The following CFAP20DC variants were observed in gnomAD, a reference collection of about 807,000 sequenced individuals.
CFAP20DC encodes protein CFAP20DC.
CFAP20DC carries 84 observed loss-of-function variants against 101.7 expected under a neutral mutation model. The observed-to-expected ratio is 0.83, with a 90% CI of 0.69 to 0.99. The LOEUF (loss-of-function observed/expected upper bound fraction) is 0.99, where lower values mean the gene tolerates loss of function less well. CFAP20DC is among the 50% of genes least tolerant of loss of function. The pLI is 0.00. For missense variants in CFAP20DC, 1,007 were observed against 970.3 expected, an observed-to-expected ratio of 1.04 and a Z score of -0.50; for synonymous variants, 359 against 351.2, an observed-to-expected ratio of 1.02 and a Z score of -0.25.
Position 58,914,701 on chromosome 3 carries a change from CT to C in CFAP20DC, c.394-838del, listed in dbSNP as rs939438263. ...AAATATATATATATATATTTTTTTT[CT>C]TTTTTTTAAAGACAAATCTTATATA... On this transcript the variant is annotated intron_variant, in intron 5 of 16. Coordinates refer to ENST00000482387, the MANE Select transcript of CFAP20DC (RefSeq NM_001394063.1). This position sits in a 1 kb window ranked among gnomAD's most constrained non-coding sequence, Gnocchi z 4.9. Among the ~76,000 whole-genome samples the C allele has an allele frequency of 2.1e-5, 3 of 144,424 alleles. No individual in the cohort carries two copies. Among genetic ancestry groups the C allele is most frequent in the South Asian group, 2.1e-4 (1 of 4,666 alleles). 94.7% of individuals were successfully genotyped at this position (144,424 alleles called of 152,430 possible).
At chr3:59,003,327 C>T (rs2093357877) in intron 4 of CFAP20DC, among the ~76,000 whole-genome samples, 1 of 152,062 alleles carries the variant, frequency 6.6e-6, no homozygotes. Context: ...GTTATGCAGC[C>T]TAATCTATTT....
At chr3:58,906,872 T>C (rs1013936476) in intron 6 of CFAP20DC, among the ~76,000 whole-genome samples, 6 of 152,072 alleles carry the variant, frequency 3.9e-5, no homozygotes, top group Non-Finnish European at 7.4e-5. Flanking sequence ...GAGGCTGCAG[T>C]GAGCTGTGAT....
intron 15 of CFAP20DC, among the ~76,000 whole-genome samples, chr3:58,759,146 T>C (rs1440826419): frequency 1.3e-5 from 2 of 152,058 alleles, no homozygotes; most frequent in African/African-American, 4.8e-5. Flanking sequence ...TAGTTTACAG[T>C]CCCACCAACA....
chr3:59,003,687 C>T (rs890200534), intron 4 of CFAP20DC, among the ~76,000 whole-genome samples: 1 of 152,126 alleles, frequency 6.6e-6, no homozygotes, highest in African/African-American at 2.4e-5. Flanking sequence ...ATGTAATTGC[C>T]TAAGTGACAG....
intron 4 of CFAP20DC, among the ~76,000 whole-genome samples, chr3:58,988,282 A>C (rs1293839398): frequency 1.3e-5 from 2 of 152,158 alleles, no homozygotes; most frequent in Non-Finnish European, 2.9e-5. Flanking sequence ...AAACTAGAAA[A>C]GTAAGCACTT....
intron 14 of CFAP20DC, among the ~76,000 whole-genome samples, chr3:58,829,649 T>C (rs1447150929): frequency 6.6e-6 from 1 of 152,192 alleles, no homozygotes; most frequent in Admixed American, 6.5e-5. Context: ...TTTCAGTTTC[T>C]CATTTGGTCA....
intron 6 of CFAP20DC, among the ~76,000 whole-genome samples, chr3:58,886,110 T>G (rs2081605591): frequency 6.6e-6 from 1 of 152,198 alleles, no homozygotes; most frequent in African/African-American, 2.4e-5. Flanking sequence ...CTTTACTATG[T>G]GTACCAAAGT....
At position 58,793,115 on chromosome 3, in the gene CFAP20DC, T is replaced by C. The variant is rs17059830; in HGVS notation, c.2237+13280A>G. On this transcript the variant is annotated intron_variant, in intron 15 of 16. Transcript: ENST00000482387. ...TTACAAAAATGTAAGCCAAGTGCTT[T>C]ATTATATTATACTACCAGAGTGTTA... Among the ~76,000 whole-genome samples, 316 of 152,294 alleles carry C rather than the reference T, an allele frequency of 2.1e-3. 3 individuals carry two copies. Among genetic ancestry groups the C allele is most frequent in the African/African-American group, 7.4e-3 (308 of 41,562 alleles).
At chr3:58,888,257 C>A (rs2081832367) in intron 6 of CFAP20DC, among the ~76,000 whole-genome samples, 1 of 152,174 alleles carries the variant, frequency 6.6e-6, no homozygotes, top group African/African-American at 2.4e-5. Flanking sequence ...TGTCATTCAA[C>A]AAATATTTAT....
intron 7 of CFAP20DC, among the ~76,000 whole-genome samples, chr3:58,873,895 A>G (rs1204407680): frequency 6.6e-6 from 1 of 151,728 alleles, no homozygotes; most frequent in Non-Finnish European, 1.5e-5. Context: ...TTGAAGCAGA[A>G]GTCTGGATAG....
At chr3:58,952,436 T>A (rs1372983010) in intron 4 of CFAP20DC, among the ~76,000 whole-genome samples, 1 of 152,166 alleles carries the variant, frequency 6.6e-6, no homozygotes, top group Non-Finnish European at 1.5e-5. Flanking sequence ...CTGTCTTGGG[T>A]GATCAGATTG....
In CFAP20DC at chr3:58,964,433, C is replaced by T. The variant is rs1405353332; in HGVS notation, c.279-26671G>A. 6.6e-6 allele frequency among the ~76,000 whole-genome samples: 1 copy of T among 152,222 alleles called. No homozygotes were observed. The highest frequency in any genetic ancestry group is 2.4e-5 in the African/African-American group (1 of 41,468). On this transcript the variant is annotated intron_variant, in intron 4 of 16. Transcript: ENST00000482387. This position sits in a 1 kb window ranked among gnomAD's most constrained non-coding sequence, Gnocchi z 4.1. ...CAACCCTTTTCATGAATATTCATAGCTCCCCCTATATCTTGTTGAATATGT... is the reference window on the plus strand; with the variant it reads ...CAACCCTTTTCATGAATATTCATAGTTCCCCCTATATCTTGTTGAATATGT...
intron 4 of CFAP20DC, among the ~76,000 whole-genome samples, chr3:58,945,682 T>TGTCAAA (rs2089254130): frequency 1.3e-5 from 2 of 151,380 alleles, no homozygotes; most frequent in African/African-American, 4.9e-5. Context: ...TGCCACATGC[T>TGTCAAA]GTCAAAGTCA....
chr3:58,880,417 T>C (rs572329330), intron 7 of CFAP20DC, among the ~76,000 whole-genome samples: 2 of 152,326 alleles, frequency 1.3e-5, no homozygotes, highest in African/African-American at 4.8e-5. Context: ...AGCTGCATGA[T>C]ATCTTATTGT....
At chr3:58,976,495 C>T (rs1050684375) in intron 4 of CFAP20DC, among the ~76,000 whole-genome samples, 4 of 152,268 alleles carry the variant, frequency 2.6e-5, no homozygotes, top group African/African-American at 9.6e-5. Context: ...CTGAAAGTGC[C>T]TGGGGTGAGC....
chr3:58,831,701 G>A lies in CFAP20DC; in HGVS notation c.2160C>T (p.Asn720=). 1 of 1,613,918 alleles carries A rather than the reference G, an allele frequency of 6.2e-7. No individual in the cohort carries two copies. The highest frequency in any genetic ancestry group is 8.5e-7 in the Non-Finnish European group (1 of 1,179,902). The part of the protein sequence containing the change: ...STSSDDTTTW[N]SCLPPPVNQG... ...AGGGACTCACGGGTGGCAGGCAGGA[G>A]TTCCAGGTGGTTGTGTCGTCACTGC... Residue 720 remains asparagine (N), a synonymous_variant, in exon 14 of 17, where the codon AAC becomes AAT. Transcript: ENST00000482387.
At chr3:58,929,806 G>C (rs931731670) in intron 5 of CFAP20DC, among the ~76,000 whole-genome samples, 5 of 152,106 alleles carry the variant, frequency 3.3e-5, no homozygotes, top group African/African-American at 9.7e-5. Flanking sequence ...CTTAGCTCAT[G>C]GCCCTGTCTC....
chr3:58,904,002 C>T (rs144103251), intron 6 of CFAP20DC, among the ~76,000 whole-genome samples: 53 of 152,272 alleles, frequency 3.5e-4, no homozygotes, highest in Admixed American at 2.6e-4. Context: ...TGCTATTCCA[C>T]AGGAATTTCA....
chr3:58,742,383 T>C lies in CFAP20DC; in HGVS notation c.*77A>G, dbSNP rs2067920713. ...TTGTGGTCACCCAACACATAAGTTGTGGTGACTCCTTAAGCGACCCTGAAC... is the reference window on the plus strand; with the variant it reads ...TTGTGGTCACCCAACACATAAGTTGCGGTGACTCCTTAAGCGACCCTGAAC... On this transcript the variant is annotated 3_prime_UTR_variant, in exon 17 of 17. Transcript: ENST00000482387. 21 of 1,378,606 alleles carry C rather than the reference T, an allele frequency of 1.5e-5. No individual in the cohort carries two copies. The highest frequency in any genetic ancestry group is 1.9e-5 in the Non-Finnish European group (20 of 1,056,878). The allele number at this position is 1,378,606 out of a possible 1,614,324, so 85.4% of individuals were successfully genotyped here.
Sources: allele counts gnomAD v4.1 joint callset (sites outside exome capture counted in the v4.1 genomes callset), GRCh38; gene constraint gnomAD v4.1.1; non-coding constraint Gnocchi (gnomAD v3.1); transcripts MANE v1.5; gene names NCBI Gene and HGNC (gene_info 2026-07-23, HGNC 2026-07-21).